The following DOCK11 variants were observed in gnomAD, a reference collection of about 807,000 sequenced individuals.
DOCK11 encodes dedicator of cytokinesis 11.
DOCK11 carries 70 observed loss-of-function variants against 169.1 expected under a neutral mutation model. The ratio of observed to expected loss-of-function variants is 0.41; its 90% CI spans 0.34 to 0.51. DOCK11 has a LOEUF of 0.51. Ranked by LOEUF, DOCK11 falls within the 20% of genes least tolerant of loss-of-function variation. DOCK11 has a pLI of 0.10. For missense variants in DOCK11, 1,166 were observed against 1,538.8 expected (o/e 0.76, Z 4.05); for synonymous variants, 529 against 541.3 (o/e 0.98, Z 0.32).
rs2013360123 is a variant in DOCK11, at chrX:118,573,871, C to T, written c.1242C>T (p.Asp414=). ...DVKNNCKISA[D]FHVDLNPPSV... is the part of the protein sequence containing the mutation. ...AGAACAATTGTAAGATTTCAGCAGA[C>T]TTTCATGTAGACCTGAATCCCCCAT... Residue 414 remains aspartate, a synonymous_variant, in exon 12 of 53, where the codon GAC becomes GAT. Coordinates refer to ENST00000276202, the MANE Select transcript of DOCK11 (RefSeq NM_144658.4). The T allele has an allele frequency of 1.7e-6, 2 of 1,211,332 alleles. No individual in the cohort carries two copies. Among genetic ancestry groups the T allele is most frequent in the African/African-American group, 3.5e-5 (2 of 57,751 alleles).
chrX:118,560,244 GAAAT>G (rs2012860828), intron 6 of DOCK11, among the ~76,000 whole-genome samples: 1 of 111,605 alleles, frequency 9.0e-6, no homozygotes, highest in African/African-American at 3.3e-5. Flanking sequence ...ATGCTATGGA[GAAAT>G]AAATTGATGT....
intron 19 of DOCK11, among the ~76,000 whole-genome samples, chrX:118,591,065 G>A (rs2013978394): frequency 8.9e-6 from 1 of 112,114 alleles, no homozygotes; most frequent in African/African-American, 3.2e-5. Context: ...AACCTGGATG[G>A]GCATCCCAGC....
intron 30 of DOCK11, among the ~76,000 whole-genome samples, 179 bp from the exon 31 acceptor site, chrX:118,618,371 C>T (rs2014877393): frequency 8.9e-6 from 1 of 111,793 alleles, no homozygotes; most frequent in African/African-American, 3.2e-5. Flanking sequence ...TATGAGTGCT[C>T]CTGTCTTGTA....
intron 46 of DOCK11, among the ~76,000 whole-genome samples, chrX:118,675,424 C>T (rs2016585264): frequency 9.0e-6 from 1 of 111,012 alleles, no homozygotes; most frequent in Non-Finnish European, 1.9e-5. Context: ...TTAAAATTTC[C>T]ATTGAGATGT....
rs1021493678 is a variant in DOCK11 at position 118,578,710 on chromosome X, T to C, written c.1512+63T>C. On this transcript the variant is annotated intron_variant, in intron 13 of 52. Transcript: ENST00000276202. ...ACGTAGAATTTGCCTTTTACTGATA[T>C]TTTAAATGCCATTGCTTTGAGCATG... The C allele has an allele frequency of 3.4e-5, 36 of 1,058,859 alleles. No homozygotes were observed. The Admixed American group carries it at 8.3e-4, about 24-fold the overall frequency. 87.3% of individuals were successfully genotyped at this position (1,058,859 alleles called of 1,213,427 possible). A position where few individuals can be genotyped will look rare whatever the true frequency, so the allele number is the denominator to read the frequency against.
chrX:118,636,590 A>G (rs2015392773), intron 36 of DOCK11, among the ~76,000 whole-genome samples, 178 bp downstream of exon 36: 1 of 112,217 alleles, frequency 8.9e-6, no homozygotes, highest in African/African-American at 3.2e-5. Flanking sequence ...AAAAATGTGA[A>G]CGTGGAATAC....
intron 31 of DOCK11, among the ~76,000 whole-genome samples, chrX:118,618,972 C>T (rs997833349): frequency 9.2e-6 from 1 of 109,255 alleles, no homozygotes; most frequent in African/African-American, 3.3e-5. Flanking sequence ...ATTCTTGTGC[C>T]TCAGCCTCCC....
rs955928946 is a variant in DOCK11, at chrX:118,550,068, C to T, written c.558+3952C>T. ...TAGTGTTGTATTTCAGAATTTGTCA[C>T]AGCTAGAATGGGAATCAGAGGAAGG... On this transcript the variant is annotated intron_variant, in intron 6 of 52. Coordinates refer to ENST00000276202, the MANE Select transcript of DOCK11 (RefSeq NM_144658.4). Among the ~76,000 whole-genome samples the T allele has an allele frequency of 5.4e-5, 6 of 111,844 alleles. No homozygotes were observed. In the Admixed American group the frequency reaches 5.7e-4, roughly 11 times the overall value.
At chrX:118,597,969 G>A (rs1422623283) in intron 21 of DOCK11, 61 bp from the exon 22 acceptor site, 4 of 885,852 alleles carry the variant, frequency 4.5e-6, no homozygotes, top group Non-Finnish European at 6.3e-6. Flanking sequence ...ATGCATAAAG[G>A]TATTATATGT....
chrX:118,681,755 A>T lies in DOCK11; in HGVS notation c.5924A>T (p.Tyr1975Phe). The T allele has an allele frequency of 8.3e-7, 1 of 1,207,897 alleles. No individual in the cohort carries two copies. The highest frequency in any genetic ancestry group is 1.1e-6 in the Non-Finnish European group (1 of 893,601). Residue 1975 changes from tyrosine to phenylalanine, a missense_variant, in exon 51 of 53, where the codon TAT becomes TTT. Tyr to Phe is a conservative substitution (Grantham distance 22). Transcript: ENST00000276202. ...TTAAATGACAGCCAAGCTAGCAAGT[A>T]TCCACCTAAGAAAGTGAGTGAGTTG... The part of the protein sequence containing the change: ...AFLNDSQASK[Y>F]PPKKVSELKD...
chrX:118,682,913 T>G (rs1056348849), intron 51 of DOCK11, among the ~76,000 whole-genome samples, 166 bp from the exon 52 acceptor site: 2 of 111,805 alleles, frequency 1.8e-5, no homozygotes, highest in Non-Finnish European at 3.8e-5. Flanking sequence ...AAGAAGGCAT[T>G]TCAGACTTAG....
intron 33 of DOCK11, 140 bp downstream of exon 33, chrX:118,627,719 T>C (rs1370993517): frequency 2.2e-6 from 1 of 458,104 alleles, no homozygotes; most frequent in Non-Finnish European, 3.7e-6. Context: ...ATCTGACTTA[T>C]ACTTGCAGTC....
intron 1 of DOCK11, among the ~76,000 whole-genome samples, chrX:118,511,425 G>A (rs1447394564): frequency 1.8e-5 from 2 of 111,907 alleles, no homozygotes; most frequent in African/African-American, 6.5e-5. Context: ...GCTTATCTAC[G>A]ATGAATATCT....
At chrX:118,624,737 T>C in intron 32 of DOCK11, 82 bp downstream of exon 32, 3 of 481,355 alleles carry the variant, frequency 6.2e-6, no homozygotes, top group Non-Finnish European at 1.0e-5. Context: ...CTATATGATC[T>C]CAACCTTAAG....
At chrX:118,549,199 C>T (rs974423667) in intron 6 of DOCK11, among the ~76,000 whole-genome samples, 3 of 106,256 alleles carry the variant, frequency 2.8e-5, no homozygotes, top group Non-Finnish European at 3.8e-5. Context: ...GGATGGAGTG[C>T]AGAGGTGCAA....
At chrX:118,533,467 A>G (rs1374779515) in intron 1 of DOCK11, among the ~76,000 whole-genome samples, 2 of 112,127 alleles carry the variant, frequency 1.8e-5, no homozygotes, top group East Asian at 5.5e-4. Context: ...TGATTTTCAA[A>G]CTAGAGTCTG....
chrX:118,643,679 A>G (rs2015586624), intron 40 of DOCK11, 85 bp downstream of exon 40: 1 of 1,022,378 alleles, frequency 9.8e-7, no homozygotes, highest in Non-Finnish European at 1.3e-6. Flanking sequence ...TTGTGGTGAC[A>G]TATACAATGC....
intron 41 of DOCK11, among the ~76,000 whole-genome samples, chrX:118,649,440 T>C (rs1270216056): frequency 8.9e-6 from 1 of 112,638 alleles, no homozygotes; most frequent in Non-Finnish European, 1.9e-5. Flanking sequence ...TAATTACGTA[T>C]GTGGCATGTG....
At chrX:118,542,221 A>C (rs1352793243) in intron 1 of DOCK11, among the ~76,000 whole-genome samples, 2 of 106,256 alleles carry the variant, frequency 1.9e-5, no homozygotes, top group Non-Finnish European at 3.9e-5. Context: ...TGTTGCCCAG[A>C]TATAAGTGGC....
Sources: allele counts gnomAD v4.1 joint callset (sites outside exome capture counted in the v4.1 genomes callset), GRCh38; gene constraint gnomAD v4.1.1; transcripts MANE v1.5; gene names NCBI Gene and HGNC (gene_info 2026-07-23, HGNC 2026-07-21).